The following PAX1 variants were observed in gnomAD, a reference collection of about 807,000 sequenced individuals.
The protein encoded by PAX1 is paired box 1, also known as paired box protein Pax-1.
A neutral mutation model predicts 35.6 loss-of-function variants in PAX1; 18 were observed. The observed-to-expected ratio is 0.50, with a 90% CI of 0.35 to 0.75. The LOEUF (loss-of-function observed/expected upper bound fraction) is 0.75. PAX1 is among the 30% of genes least tolerant of loss of function. PAX1 has a pLI of 0.01. For missense variants in PAX1, 760 were observed against 661.5 expected, an observed-to-expected ratio of 1.15 and a Z score of -1.63; for synonymous variants, 397 against 305.2, an observed-to-expected ratio of 1.30 and a Z score of -3.14.
At position 21,717,711 on chromosome 20, in the gene PAX1, G is replaced by A. The variant is rs1985417983; in HGVS notation, c.*3149G>A. On this transcript the variant is annotated 3_prime_UTR_variant, in exon 5 of 5. Coordinates refer to ENST00000613128, the MANE Select transcript of PAX1 (RefSeq NM_001257096.2). ...TTAATTTAAGAATAAGTTTTTTTTA[G>A]AAAAATATAGAGATGTAACCCAAAG... 1 of 151,864 alleles carries A rather than the reference G, an allele frequency of 6.6e-6. No individual in the cohort carries two copies. The highest frequency in any genetic ancestry group is 1.5e-5 in the Non-Finnish European group (1 of 67,974). 9.4% of individuals were successfully genotyped at this position (151,864 alleles called of 1,614,324 possible). A position where few individuals can be genotyped will look rare whatever the true frequency, so the allele number is the denominator to read the frequency against.
chr20:21,707,188 C>A, intron 2 of PAX1, 121 bp downstream of exon 2: 2 of 1,235,666 alleles, frequency 1.6e-6, no homozygotes, highest in Non-Finnish European at 2.3e-6. Flanking sequence ...GGGGAGGGCT[C>A]CACACTGGCC....
chr20:21,707,208 G>A, intron 2 of PAX1, 141 bp downstream of exon 2: 10 of 946,506 alleles, frequency 1.1e-5, no homozygotes, highest in Non-Finnish European at 1.5e-5. Flanking sequence ...CAGGGAGGCT[G>A]GGGGTCCTGG....
At position 21,714,590 on chromosome 20, in the gene PAX1, G is replaced by T; in HGVS notation, c.*28G>T. On this transcript the variant is annotated 3_prime_UTR_variant, in exon 5 of 5. Coordinates refer to ENST00000613128, the MANE Select transcript of PAX1 (RefSeq NM_001257096.2). The stretch of plus-strand genomic sequence containing the variant: ...GCAGCTCTCCCCGGACCCGAGCCCG[G>T]AGGGAACGGCAGGCGGACCCGGGCG... 1 of 1,576,404 alleles carries T rather than the reference G, an allele frequency of 6.3e-7. No homozygotes were observed. Among genetic ancestry groups the T allele is most frequent in the Non-Finnish European group, 8.6e-7 (1 of 1,161,998 alleles).
In PAX1 at chr20:21,714,891, C is replaced by A; in HGVS notation, c.*329C>A. 2 of 1,007,626 alleles carry A rather than the reference C, an allele frequency of 2.0e-6. No homozygotes were observed. Among genetic ancestry groups the A allele is most frequent in the Non-Finnish European group, 3.0e-6 (2 of 656,370 alleles). 62.4% of individuals were successfully genotyped at this position (1,007,626 alleles called of 1,614,324 possible). On this transcript the variant is annotated 3_prime_UTR_variant, in exon 5 of 5. Coordinates refer to ENST00000613128, the MANE Select transcript of PAX1 (RefSeq NM_001257096.2). ...ATTTCTTTTTTGTCACTCCCTTGTCCGTCTCCGTCTCGCCTCTCTCCCTGT... is the reference window on the plus strand; with the variant it reads ...ATTTCTTTTTTGTCACTCCCTTGTCAGTCTCCGTCTCGCCTCTCTCCCTGT...
intron 4 of PAX1, among the ~76,000 whole-genome samples, chr20:21,711,258 A>G (rs953812529): frequency 2.0e-5 from 3 of 152,278 alleles, no homozygotes; most frequent in Admixed American, 1.3e-4. Flanking sequence ...TTTGTTTTCA[A>G]TAGAGCCACT....
chr20:21,705,982 C>G lies in PAX1; in HGVS notation c.270C>G (p.Ala90=), dbSNP rs1022480481. 2.7e-6 allele frequency: 4 copies of G among 1,483,874 alleles called. No individual in the cohort carries two copies. The highest frequency in any genetic ancestry group is 3.6e-6 in the Non-Finnish European group (4 of 1,125,378). 91.9% of individuals were successfully genotyped at this position (1,483,874 alleles called of 1,614,324 possible). A position where few individuals can be genotyped will look rare whatever the true frequency, so the allele number is the denominator to read the frequency against. The change falls in exon 1 of 5, where the codon GCC becomes GCG. Residue 90 remains alanine, a synonymous_variant. Transcript: ENST00000613128. ...HPGHPGARQL[A]GPLAMEQTYG... ...GCCACCCCGGCGCCAGGCAGCTGGC[C>G]GGCCCGCTCGCTATGGGTAAGGGGC...
Position 21,716,684 on chromosome 20 carries a change from G to C in PAX1, c.*2122G>C, listed in dbSNP as rs1985382277. ...TTGAGACTTGGACTTTGAGACTGAAGTCCTCAGCCTTCCATGGCAGCATAT... is the reference window on the plus strand; with the variant it reads ...TTGAGACTTGGACTTTGAGACTGAACTCCTCAGCCTTCCATGGCAGCATAT... On this transcript the variant is annotated 3_prime_UTR_variant, in exon 5 of 5. Transcript: ENST00000613128. The C allele has an allele frequency of 6.6e-6, 1 of 152,088 alleles. No individual in the cohort carries two copies. The allele number at this position is 152,088 out of a possible 1,614,324, so 9.4% of individuals were successfully genotyped here.
rs1292840396 is a variant in PAX1 at position 21,705,929 on chromosome 20, T to G, written c.217T>G (p.Cys73Gly). 6 of 1,465,544 alleles carry G rather than the reference T, an allele frequency of 4.1e-6. No individual in the cohort carries two copies. The highest frequency in any genetic ancestry group is 1.5e-5 in the African/African-American group (1 of 67,506). 90.8% of individuals were successfully genotyped at this position (1,465,544 alleles called of 1,614,324 possible). Reference protein sequence around the residue: ...GGGGAQALPDCAGPSPGHPGH... With the variant: ...GGGGAQALPDGAGPSPGHPGH... The stretch of plus-strand genomic sequence containing the variant: ...CGGCGGCGCCCAAGCTCTCCCGGAC[T>G]GCGCCGGGCCCAGCCCCGGCCACCC... The change falls in exon 1 of 5, where the codon TGC becomes GGC. Residue 73 changes from cysteine (C) to glycine (G), a missense_variant. By Grantham distance (159) the Cys-to-Gly change is radical. Transcript: ENST00000613128.
chr20:21,711,013 T>A (rs1985182193), intron 4 of PAX1, among the ~76,000 whole-genome samples: 1 of 152,136 alleles, frequency 6.6e-6, no homozygotes, highest in South Asian at 2.1e-4. Flanking sequence ...AGTTAAGGGG[T>A]CGCAGATGAG....
In PAX1 at chr20:21,706,108, T is replaced by C; in HGVS notation, c.286+110T>C. ...CCCTGGGCGACCCAGTCCTGGGTCC[T>C]GGAGAAGCTGCATTCTCCTCTGATC... On this transcript the variant is annotated intron_variant, in intron 1 of 4. Coordinates refer to ENST00000613128, the MANE Select transcript of PAX1 (RefSeq NM_001257096.2). The surrounding 1 kb of genome is among the most constrained non-coding windows in gnomAD (Gnocchi z 5.3). 3.2e-6 allele frequency: 3 copies of C among 943,024 alleles called. No homozygotes were observed. In the South Asian group the frequency reaches 4.6e-5, roughly 15 times the overall value. The allele number at this position is 943,024 out of a possible 1,614,324, so 58.4% of individuals were successfully genotyped here. A position where few individuals can be genotyped will look rare whatever the true frequency, so the allele number is the denominator to read the frequency against.
chr20:21,708,712 G>C lies in PAX1; in HGVS notation c.1059+12G>C, dbSNP rs371496308. 1 of 1,612,836 alleles carries C rather than the reference G, an allele frequency of 6.2e-7. No homozygotes were observed. The highest frequency in any genetic ancestry group is 1.3e-5 in the African/African-American group (1 of 74,940). On this transcript the variant is annotated intron_variant, in intron 3 of 4. Coordinates refer to ENST00000613128, the MANE Select transcript of PAX1 (RefSeq NM_001257096.2). Reference sequence around the variant, plus strand: ...TTAAATACACTCAGGTAACCAGGAGGCACGTGAGGCCGTGACCTTAAGTAG... The same window carrying C: ...TTAAATACACTCAGGTAACCAGGAGCCACGTGAGGCCGTGACCTTAAGTAG...
chr20:21,709,888 A>G (rs900601329), intron 4 of PAX1, among the ~76,000 whole-genome samples: 1 of 151,972 alleles, frequency 6.6e-6, no homozygotes, highest in Non-Finnish European at 1.5e-5. Flanking sequence ...TGGACTTGCT[A>G]GTGGCACCTA....
At chr20:21,709,147 C>T in intron 3 of PAX1, 75 bp from the exon 4 acceptor site, 2 of 1,146,988 alleles carry the variant, frequency 1.7e-6, no homozygotes, top group Non-Finnish European at 2.6e-6. Flanking sequence ...TGGACGAAAA[C>T]CCCCGTCTCA....
In PAX1 at chr20:21,714,629, G is replaced by C. The variant is rs1985305616; in HGVS notation, c.*67G>C. On this transcript the variant is annotated 3_prime_UTR_variant, in exon 5 of 5. Transcript: ENST00000613128. Reference sequence around the variant, plus strand: ...CGGACCCGGGCGCACAGGTCTGCGCGGCGGCCCCGGCAATCGGCACGGGCA... The same window carrying C: ...CGGACCCGGGCGCACAGGTCTGCGCCGCGGCCCCGGCAATCGGCACGGGCA... The C allele has an allele frequency of 1.3e-6, 2 of 1,566,050 alleles. No individual in the cohort carries two copies. Among genetic ancestry groups the C allele is most frequent in the Admixed American group, 3.8e-5 (2 of 53,062 alleles).
Position 21,717,279 on chromosome 20 carries a change from G to A in PAX1, c.*2717G>A, listed in dbSNP as rs1008921606. ...ACATACCCCCTCTCTCGCGGCTGGGGGTCACGGAACATCTTAGTGAACTTG... is the reference window on the plus strand; with the variant it reads ...ACATACCCCCTCTCTCGCGGCTGGGAGTCACGGAACATCTTAGTGAACTTG... On this transcript the variant is annotated 3_prime_UTR_variant, in exon 5 of 5. Transcript: ENST00000613128. 6.6e-6 allele frequency: 1 copy of A among 152,318 alleles called. No homozygotes were observed. Among genetic ancestry groups the A allele is most frequent in the Admixed American group, 6.5e-5 (1 of 15,286 alleles). The allele number at this position is 152,318 out of a possible 1,614,324, so 9.4% of individuals were successfully genotyped here.
In PAX1 at chr20:21,714,660, G is replaced by C. The variant is rs753805538; in HGVS notation, c.*98G>C. On this transcript the variant is annotated 3_prime_UTR_variant, in exon 5 of 5. Coordinates refer to ENST00000613128, the MANE Select transcript of PAX1 (RefSeq NM_001257096.2). ...CCCGGCAATCGGCACGGGCAGGATC[G>C]GAGGACTCGCGGAGGAGGAAGCCAG... 1.3e-5 allele frequency: 21 copies of C among 1,601,248 alleles called. No individual in the cohort carries two copies. The East Asian group carries it at 3.1e-4, about 24-fold the overall frequency.
rs1229137417 is a variant in PAX1, at chr20:21,718,000, C to G, written c.*3438C>G. ...ATGAGTTGTGCTGTGCACACACAGA[C>G]ATGAGCTGAAGATCTGCTCTTTGCG... On this transcript the variant is annotated 3_prime_UTR_variant, in exon 5 of 5. Transcript: ENST00000613128. 1 of 152,216 alleles carries G rather than the reference C, an allele frequency of 6.6e-6. No homozygotes were observed. Among genetic ancestry groups the G allele is most frequent in the Non-Finnish European group, 1.5e-5 (1 of 68,046 alleles). 9.4% of individuals were successfully genotyped at this position (152,216 alleles called of 1,614,324 possible).
rs974025528 is a variant in PAX1 at position 21,706,233 on chromosome 20, G to T, written c.287-205G>T. The T allele has an allele frequency of 3.8e-6, 3 of 795,640 alleles. No homozygotes were observed. The highest frequency in any genetic ancestry group is 2.7e-5 in the East Asian group (1 of 37,640). The allele number at this position is 795,640 out of a possible 1,614,324, so 49.3% of individuals were successfully genotyped here. On this transcript the variant is annotated intron_variant, in intron 1 of 4. Transcript: ENST00000613128. The surrounding 1 kb of genome is among the most constrained non-coding windows in gnomAD (Gnocchi z 5.3). ...GGCACGGAGGGCTACAATGCGCCGC[G>T]CTCCACTCCGCGGCTCCTCTGCGCC...
chr20:21,712,392 C>T (rs1475783870), intron 4 of PAX1, among the ~76,000 whole-genome samples: 2 of 152,210 alleles, frequency 1.3e-5, no homozygotes, highest in East Asian at 1.9e-4. Flanking sequence ...GAAAAAGTTT[C>T]GCTTAATCTT....
Sources: gnomAD v4.1 joint callset for allele counts (sites outside exome capture counted in the v4.1 genomes callset) on GRCh38, gnomAD v4.1.1 for gene constraint, Gnocchi (gnomAD v3.1) non-coding constraint, MANE v1.5 for transcripts, NCBI Gene and HGNC (gene_info 2026-07-23, HGNC 2026-07-21) for gene names.